MAP3K4: variants seen among roughly 807,000 people sequenced by gnomAD.
MAP3K4 encodes the protein mitogen-activated protein kinase kinase kinase 4.
MAP3K4 carries 67 observed loss-of-function variants against 185.6 expected under a neutral mutation model. The observed-to-expected ratio is 0.36, with a 90% CI of 0.30 to 0.44. MAP3K4 has a LOEUF of 0.44. Among genes scored for constraint, MAP3K4 ranks in the 20% least tolerant of loss-of-function variants. The pLI is 1.00. For synonymous variants in MAP3K4, 702 were observed against 710.4 expected (o/e 0.99, Z 0.19); for missense variants, 1,551 against 1,995.1 (o/e 0.78, Z 4.24).
chr6:161,023,984 A>G (rs970861266), intron 1 of MAP3K4, among the ~76,000 whole-genome samples: 13 of 152,064 alleles, frequency 8.5e-5, no homozygotes, highest in Admixed American at 3.9e-4. Flanking sequence ...TATTTTTTTA[A>G]GAGACAGAGT....
At chr6:161,104,435 C>T (rs1182542999) in intron 19 of MAP3K4, among the ~76,000 whole-genome samples, 2 of 136,412 alleles carry the variant, frequency 1.5e-5, no homozygotes, top group East Asian at 2.2e-4. Context: ...AAAAAAAAAG[C>T]AGGCACAGTG....
At chr6:161,001,586 C>G (rs562120775) in intron 1 of MAP3K4, among the ~76,000 whole-genome samples, 18 of 152,122 alleles carry the variant, frequency 1.2e-4, no homozygotes, top group African/African-American at 4.3e-4. Context: ...GCTGGGGCAT[C>G]GTCTGTTGTT....
chr6:161,011,773 G>T (rs1316154648), intron 1 of MAP3K4, among the ~76,000 whole-genome samples: 1 of 152,186 alleles, frequency 6.6e-6, no homozygotes, highest in Non-Finnish European at 1.5e-5. Context: ...CTGGGTGAAT[G>T]AAATAGTAAA....
At chr6:161,033,646 T>G (rs1300002048) in intron 1 of MAP3K4, among the ~76,000 whole-genome samples, 1 of 152,246 alleles carries the variant, frequency 6.6e-6, no homozygotes, top group Non-Finnish European at 1.5e-5. Context: ...TTTCAAGTGG[T>G]TCAGTGGTAT....
At position 161,086,671 on chromosome 6, in the gene MAP3K4, A is replaced by G. The variant is rs377542838; in HGVS notation, c.2556+4A>G. ...GAAATCAAAACAGTATGTCAAGGTAAGTACTTCAAATGTTGTGATTGAAAC... is the reference window on the plus strand; with the variant it reads ...GAAATCAAAACAGTATGTCAAGGTAGGTACTTCAAATGTTGTGATTGAAAC... On this transcript the variant is annotated splice_donor_region_variant and intron_variant, in intron 9 of 26. Transcript: ENST00000392142. The surrounding 1 kb of genome is among the most constrained non-coding windows in gnomAD (Gnocchi z 4.8). The G allele has an allele frequency of 1.3e-5, 21 of 1,605,224 alleles. No homozygotes were observed. The African/African-American group carries it at 2.7e-4, about 21-fold the overall frequency.
chr6:161,084,869 G>C lies in MAP3K4; in HGVS notation c.2372+252G>C, dbSNP rs1237894271. Among the ~76,000 whole-genome samples the C allele has an allele frequency of 2.0e-5, 3 of 152,190 alleles. No individual in the cohort carries two copies. The highest frequency in any genetic ancestry group is 4.4e-5 in the Non-Finnish European group (3 of 68,032). The stretch of plus-strand genomic sequence containing the variant: ...GTGATAAAAATAGTGCCAACTGGCT[G>C]GGCGCGGTGGCTCACGCCTGTAATC... On this transcript the variant is annotated intron_variant, in intron 7 of 26. Transcript: ENST00000392142. This position sits in a 1 kb window ranked among gnomAD's most constrained non-coding sequence, Gnocchi z 4.6.
intron 5 of MAP3K4, among the ~76,000 whole-genome samples, chr6:161,079,253 A>G (rs1785328588): frequency 6.8e-6 from 1 of 146,696 alleles, no homozygotes; most frequent in African/African-American, 2.5e-5. Flanking sequence ...AACAGGAGGA[A>G]GCTGACTTTG....
intron 2 of MAP3K4, among the ~76,000 whole-genome samples, chr6:161,045,230 G>A (rs904447921): frequency 6.6e-6 from 1 of 151,830 alleles, no homozygotes; most frequent in African/African-American, 2.4e-5. Flanking sequence ...TTGGGGTGGG[G>A]GGGAACAAAA....
At chr6:161,058,633 A>G (rs553109115) in intron 3 of MAP3K4, among the ~76,000 whole-genome samples, 5 of 152,328 alleles carry the variant, frequency 3.3e-5, no homozygotes, top group African/African-American at 9.6e-5. Flanking sequence ...TTGTGATTCT[A>G]TAAATTATGT....
intron 1 of MAP3K4, among the ~76,000 whole-genome samples, chr6:161,005,098 A>AC (rs2115058994): frequency 6.6e-6 from 1 of 152,244 alleles, no homozygotes; most frequent in African/African-American, 2.4e-5. Context: ...ATTCAAAATG[A>AC]ACACATTCAT....
At chr6:161,021,499 C>T (rs191282884) in intron 1 of MAP3K4, among the ~76,000 whole-genome samples, 19 of 152,302 alleles carry the variant, frequency 1.2e-4, no homozygotes, top group Admixed American at 2.6e-4. Context: ...GCAATTTCTT[C>T]GGAACTTTTA....
intron 1 of MAP3K4, among the ~76,000 whole-genome samples, chr6:160,994,826 G>T (rs1201714611): frequency 6.6e-6 from 1 of 151,982 alleles, no homozygotes; most frequent in East Asian, 1.9e-4. Context: ...TCAGCCTCCC[G>T]GGTAGCTGGG....
rs1392829789 is a variant in MAP3K4, at chr6:161,101,658, AGCGCTGTTCACTTAGGG to A, written c.3675-232_3675-216del. 63 of 441,494 alleles carry A rather than the reference AGCGCTGTTCACTTAGGG, an allele frequency of 1.4e-4. No homozygotes were observed. The highest frequency in any genetic ancestry group is 1.0e-3 in the African/African-American group (51 of 50,120). The allele number at this position is 441,494 out of a possible 1,614,324, so 27.3% of individuals were successfully genotyped here. A position where few individuals can be genotyped will look rare whatever the true frequency, so the allele number is the denominator to read the frequency against. ...GACTCCAGAGGACGGTCTCCACAGC[AGCGCTGTTCACTTAGGG>A]GGCTGATTCTGGTGGGTCTGTCCTG... On this transcript the variant is annotated intron_variant, in intron 17 of 26. Coordinates refer to ENST00000392142, the MANE Select transcript of MAP3K4 (RefSeq NM_005922.4). The surrounding 1 kb of genome is among the most constrained non-coding windows in gnomAD (Gnocchi z 5.1).
intron 1 of MAP3K4, among the ~76,000 whole-genome samples, chr6:161,013,921 A>G (rs1781964904): frequency 6.6e-6 from 1 of 152,168 alleles, no homozygotes; most frequent in South Asian, 2.1e-4. Flanking sequence ...GGCGTGTCTT[A>G]TGGAAAGCAG....
chr6:161,014,988 T>C (rs1205595608), intron 1 of MAP3K4, among the ~76,000 whole-genome samples: 1 of 152,206 alleles, frequency 6.6e-6, no homozygotes, highest in African/African-American at 2.4e-5. Flanking sequence ...ATTCTGAACA[T>C]TTTATATAAA....
At position 161,113,484 on chromosome 6, in the gene MAP3K4, A is replaced by G. The variant is rs118154734; in HGVS notation, c.4626+710A>G. Among the ~76,000 whole-genome samples, 766 of 152,274 alleles carry G rather than the reference A, an allele frequency of 5.0e-3. 6 individuals carry two copies. Among genetic ancestry groups the G allele is most frequent in the Non-Finnish European group, 8.7e-3 (590 of 68,010 alleles). On this transcript the variant is annotated intron_variant, in intron 25 of 26. Transcript: ENST00000392142. ...GTATGTGTATGTCCAAACCCATAGA[A>G]TGTGCAACAGAGTGAACCCTGATGT... is the stretch of plus-strand genomic sequence containing the variant.
intron 2 of MAP3K4, among the ~76,000 whole-genome samples, chr6:161,039,131 C>T (rs540534226): frequency 2.0e-5 from 3 of 152,156 alleles, no homozygotes; most frequent in East Asian, 1.9e-4. Context: ...CTGTGGGAGG[C>T]GACTGCTCAA....
intron 7 of MAP3K4, among the ~76,000 whole-genome samples, chr6:161,085,861 C>T (rs972723450): frequency 6.6e-6 from 1 of 152,160 alleles, no homozygotes; most frequent in African/African-American, 2.4e-5. Flanking sequence ...CTTCTCCCGG[C>T]TTGAGAGAGC....
At chr6:161,005,398 G>A (rs573641587) in intron 1 of MAP3K4, among the ~76,000 whole-genome samples, 4 of 152,132 alleles carry the variant, frequency 2.6e-5, no homozygotes, top group South Asian at 2.1e-4. Context: ...CCTCGGTCTC[G>A]CAAAGTGCTG....
Sources: allele counts gnomAD v4.1 joint callset (sites outside exome capture counted in the v4.1 genomes callset), GRCh38; gene constraint gnomAD v4.1.1; non-coding constraint Gnocchi (gnomAD v3.1); transcripts MANE v1.5; gene names NCBI Gene and HGNC (gene_info 2026-07-23, HGNC 2026-07-21).